Variants in CRADD observed in about 807,000 individuals in gnomAD.
CRADD encodes the protein death domain-containing protein CRADD.
In CRADD, 9 loss-of-function variants were observed where a neutral mutation model predicts 15.5. The ratio of observed to expected loss-of-function variants is 0.58; its 90% CI spans 0.35 to 1.01. CRADD has a LOEUF of 1.01. Among genes scored for constraint, CRADD ranks in the 50% least tolerant of loss-of-function variants. The probability of loss-of-function intolerance (pLI) is 0.02; values close to 1 mark genes in which losing one functional copy is unlikely to be tolerated. For missense variants in CRADD, 227 were observed against 250.3 expected (o/e 0.91, Z 0.63); for synonymous variants, 118 against 107.6 (o/e 1.10, Z -0.60).
intron 2 of CRADD, among the ~76,000 whole-genome samples, chr12:93,745,898 A>G (rs1437671585): frequency 6.6e-6 from 1 of 152,214 alleles, no homozygotes; most frequent in Non-Finnish European, 1.5e-5. Context: ...TTGCCTATTT[A>G]TCCCTTCTCC....
chr12:93,809,555 A>G (rs1285809645), intron 2 of CRADD, among the ~76,000 whole-genome samples: 2 of 152,200 alleles, frequency 1.3e-5, no homozygotes, highest in East Asian at 1.9e-4. Context: ...CTGTCATGCT[A>G]TAATGACATA....
intron 2 of CRADD, among the ~76,000 whole-genome samples, chr12:93,890,767 T>C (rs1469688059): frequency 6.6e-6 from 1 of 151,528 alleles, no homozygotes; most frequent in Non-Finnish European, 1.5e-5. Flanking sequence ...TTCTTTCTTT[T>C]TTTTTTTTTG....
intron 2 of CRADD, among the ~76,000 whole-genome samples, chr12:93,787,305 GTTTTTTTTTTTTTT>G (rs34146137): frequency 3.2e-5 from 4 of 124,744 alleles, no homozygotes; most frequent in African/African-American, 1.4e-4. Context: ...GTATGACAGG[GTTTTTTTTTTTTTT>G]TTTTTTTTTT....
At chr12:93,867,654 G>A (rs1322927116) in intron 2 of CRADD, among the ~76,000 whole-genome samples, 2 of 152,008 alleles carry the variant, frequency 1.3e-5, no homozygotes, top group African/African-American at 4.8e-5. Flanking sequence ...TTTAGAGATT[G>A]CAGTAAATTT....
chr12:93,797,591 T>C (rs1220367394), intron 2 of CRADD, among the ~76,000 whole-genome samples: 1 of 152,132 alleles, frequency 6.6e-6, no homozygotes, highest in Non-Finnish European at 1.5e-5. Context: ...GAATCCCACA[T>C]AATGTCTGGG....
chr12:93,850,074 G>A lies in CRADD; in HGVS notation c.403G>A (p.Val135Met). ...QRLGPEWEPMVLSLGLSQTDI... is the reference protein window; with the variant it reads ...QRLGPEWEPMMLSLGLSQTDI... ...GCTGGGCCCTGAGTGGGAGCCCATG[G>A]TGCTGTCTCTGGGACTGTCCCAGAC... The change falls in exon 3 of 3, where the codon GTG (valine) becomes ATG (methionine). Residue 135 changes from valine (V) to methionine (M), a missense_variant. Physicochemically the swap from Val to Met is conservative, Grantham distance 21 (BLOSUM62 1). Transcript: ENST00000332896. This position sits in a 1 kb window ranked among gnomAD's most constrained non-coding sequence, Gnocchi z 4.0. The A allele has an allele frequency of 6.2e-7, 1 of 1,613,330 alleles. No individual in the cohort carries two copies. Among genetic ancestry groups the A allele is most frequent in the African/African-American group, 1.3e-5 (1 of 75,032 alleles).
chr12:93,887,220 A>G (rs1958543885), intron 2 of CRADD, among the ~76,000 whole-genome samples: 1 of 152,276 alleles, frequency 6.6e-6, no homozygotes, highest in African/African-American at 2.4e-5. Context: ...CAGAATTTGG[A>G]AACCTTGGGG....
rs1304399449 is a variant in CRADD, at chr12:93,850,170, T to G, written c.499T>G (p.Trp167Gly). The G allele has an allele frequency of 6.2e-7, 1 of 1,613,682 alleles. No individual in the cohort carries two copies. The highest frequency in any genetic ancestry group is 2.2e-5 in the East Asian group (1 of 44,882). Residue 167 changes from tryptophan to glycine, a missense_variant, in exon 3 of 3, where the codon TGG (tryptophan) becomes GGG (glycine). Physicochemically the swap from Trp to Gly is radical, Grantham distance 184 (BLOSUM62 -2). Coordinates refer to ENST00000332896, the MANE Select transcript of CRADD (RefSeq NM_003805.5). The surrounding 1 kb of genome is among the most constrained non-coding windows in gnomAD (Gnocchi z 4.0). ...GCAGGTGGTGGAGGCCTTCATCCGTTGGCGGCAGCGCTTCGGGAAGCAGGC... is the reference window on the plus strand; with the variant it reads ...GCAGGTGGTGGAGGCCTTCATCCGTGGGCGGCAGCGCTTCGGGAAGCAGGC... ...QSQVVEAFIR[W>G]RQRFGKQATF... is the part of the protein sequence containing the mutation.
At chr12:93,750,243 G>A (rs1956814366) in intron 2 of CRADD, among the ~76,000 whole-genome samples, 1 of 151,304 alleles carries the variant, frequency 6.6e-6, no homozygotes, top group Admixed American at 6.6e-5. Flanking sequence ...AGAGGGAAGT[G>A]TGGTTATCAT....
chr12:93,744,845 C>A (rs951099702), intron 2 of CRADD, among the ~76,000 whole-genome samples: 3 of 152,174 alleles, frequency 2.0e-5, no homozygotes, highest in African/African-American at 7.2e-5. Context: ...CTTGCAAAAT[C>A]TTCCTTGATT....
intron 2 of CRADD, among the ~76,000 whole-genome samples, chr12:93,747,036 A>T (rs957153150): frequency 6.6e-6 from 1 of 151,090 alleles, no homozygotes; most frequent in Non-Finnish European, 1.5e-5. Flanking sequence ...ATGAATTATA[A>T]AAAAAAAAGA....
intron 2 of CRADD, among the ~76,000 whole-genome samples, chr12:93,873,591 C>T (rs1015688223): frequency 3.3e-5 from 5 of 151,786 alleles, no homozygotes; most frequent in Non-Finnish European, 5.9e-5. Flanking sequence ...TTCTTCTTTC[C>T]CCAGTTTTTT....
intron 2 of CRADD, among the ~76,000 whole-genome samples, chr12:93,749,304 A>G (rs1956804531): frequency 6.6e-6 from 1 of 152,210 alleles, no homozygotes; most frequent in Admixed American, 6.5e-5. Context: ...GGGACCTGCC[A>G]GAAAGTCATA....
intron 2 of CRADD, among the ~76,000 whole-genome samples, chr12:93,758,199 A>C (rs913457050): frequency 1.3e-5 from 2 of 152,210 alleles, no homozygotes; most frequent in Admixed American, 6.5e-5. Context: ...ACCAGTCTCT[A>C]CCCTGTGGGG....
At chr12:93,786,170 A>G (rs1055820469) in intron 2 of CRADD, among the ~76,000 whole-genome samples, 10 of 152,236 alleles carry the variant, frequency 6.6e-5, no homozygotes, top group African/African-American at 1.7e-4. Context: ...ATGTTTATCA[A>G]ATCACTGTTT....
intron 2 of CRADD, among the ~76,000 whole-genome samples, chr12:93,835,545 C>T (rs1258577733): frequency 6.6e-6 from 1 of 152,118 alleles, no homozygotes; most frequent in African/African-American, 2.4e-5. Flanking sequence ...CCTGGGTTCT[C>T]TACTTCAGGA....
chr12:93,698,685 T>C (rs1454054254), intron 2 of CRADD, among the ~76,000 whole-genome samples: 4 of 152,198 alleles, frequency 2.6e-5, no homozygotes, highest in African/African-American at 9.6e-5. Context: ...TTTCCCCAAA[T>C]TGTTGGACTC....
At chr12:93,748,921 C>T (rs1243263704) in intron 2 of CRADD, among the ~76,000 whole-genome samples, 1 of 152,158 alleles carries the variant, frequency 6.6e-6, no homozygotes, top group Non-Finnish European at 1.5e-5. Flanking sequence ...AGCAGTAAGC[C>T]CTCCAAGAAG....
At chr12:93,822,173 G>A (rs911191818) in intron 2 of CRADD, among the ~76,000 whole-genome samples, 5 of 151,728 alleles carry the variant, frequency 3.3e-5, no homozygotes, top group Non-Finnish European at 7.4e-5. Flanking sequence ...GAATTGAAAG[G>A]CCTTTTCTTC....
Sources: gnomAD v4.1 joint callset for allele counts (sites outside exome capture counted in the v4.1 genomes callset) on GRCh38, gnomAD v4.1.1 for gene constraint, Gnocchi (gnomAD v3.1) non-coding constraint, MANE v1.5 for transcripts, NCBI Gene and HGNC (gene_info 2026-07-23, HGNC 2026-07-21) for gene names.